Variants in NCAN observed in about 807,000 individuals in gnomAD.
NCAN encodes the protein neurocan core protein.
In NCAN, 47 loss-of-function variants were observed where a neutral mutation model predicts 121.8. The observed-to-expected ratio is 0.39, with a 90% CI of 0.31 to 0.49. The LOEUF (loss-of-function observed/expected upper bound fraction) is 0.49, where lower values mean the gene tolerates loss of function less well. Among genes scored for constraint, NCAN ranks in the 20% least tolerant of loss-of-function variants. The pLI is 0.92. For synonymous variants in NCAN, 633 were observed against 702.0 expected, an observed-to-expected ratio of 0.90 and a Z score of 1.55; for missense variants, 1,517 against 1,773.4, an observed-to-expected ratio of 0.86 and a Z score of 2.60.
Position 19,238,504 on chromosome 19 carries a change from T to C in NCAN, c.3409+93T>C, listed in dbSNP as rs1279084412. The C allele has an allele frequency of 4.1e-6, 6 of 1,469,498 alleles. No individual in the cohort carries two copies. The South Asian group carries it at 6.9e-5, about 17-fold the overall frequency. The allele number at this position is 1,469,498 out of a possible 1,614,324, so 91.0% of individuals were successfully genotyped here. On this transcript the variant is annotated intron_variant, in intron 11 of 14. Transcript: ENST00000252575. ...CCAGGGCATCGCATCCCTCCCCTGG[T>C]TTTCAAGACGTCATCTTTCCAAAGC... is the stretch of plus-strand genomic sequence containing the variant.
chr19:19,249,661 C>A, intron 14 of NCAN, 105 bp from the exon 15 acceptor site: 1 of 1,488,448 alleles, frequency 6.7e-7, no homozygotes, highest in Admixed American at 2.2e-5. Context: ...GCCCTCGCGT[C>A]TGGCCTCTTT....
intron 8 of NCAN, among the ~76,000 whole-genome samples, chr19:19,229,531 C>T (rs2060850637): frequency 6.6e-6 from 1 of 152,176 alleles, no homozygotes; most frequent in East Asian, 1.9e-4. Flanking sequence ...GCGAGAATCA[C>T]CCCCATTCTA....
At chr19:19,220,023 T>C (rs77720510) in intron 3 of NCAN, among the ~76,000 whole-genome samples, 18,012 of 151,848 alleles carry the variant, frequency 0.12, 1,292 homozygotes, top group East Asian at 0.2. Flanking sequence ...CGAGACTCTG[T>C]CTCAAAAGAA....
chr19:19,217,069 T>C (rs746214332), intron 2 of NCAN, 43 bp downstream of exon 2: 13 of 1,280,442 alleles, frequency 1.0e-5, no homozygotes, highest in South Asian at 6.5e-5. Context: ...GTCTAGGGGA[T>C]GGACAAGATG....
chr19:19,248,583 C>A, intron 13 of NCAN, 117 bp from the exon 14 acceptor site: 1 of 1,007,880 alleles, frequency 9.9e-7, no homozygotes. Flanking sequence ...CAAGAGCGCG[C>A]CACTGCACTC....
intron 8 of NCAN, among the ~76,000 whole-genome samples, chr19:19,230,883 C>CTGTGTGTGTGTGTGTGTGTGTGTG (rs367759381): frequency 7.4e-5 from 9 of 121,780 alleles, no homozygotes; most frequent in African/African-American, 1.9e-4. Flanking sequence ...CCACACCCGG[C>CTGTGTGTGTGTGTGTGTGTGTGTG]TGTGTGTGTG....
rs117101096 is a variant in NCAN at position 19,222,835 on chromosome 19, G to A, written c.476-1186G>A. ...GGCAAGAACCACATTTGGGCCGGGC[G>A]CGGTGGCTCATGCCTGTAATCCCAG... On this transcript the variant is annotated intron_variant, in intron 3 of 14. Coordinates refer to ENST00000252575, the MANE Select transcript of NCAN (RefSeq NM_004386.3). Among the ~76,000 whole-genome samples the A allele has an allele frequency of 2.7e-3, 417 of 152,148 alleles. 1 individual carries two copies. Among genetic ancestry groups the A allele is most frequent in the Non-Finnish European group, 4.5e-3 (307 of 67,996 alleles).
In NCAN at chr19:19,227,650, T is replaced by C; in HGVS notation, c.2030T>C (p.Val677Ala). The C allele has an allele frequency of 6.2e-7, 1 of 1,613,602 alleles. No individual in the cohort carries two copies. Among genetic ancestry groups the C allele is most frequent in the African/African-American group, 1.3e-5 (1 of 74,882 alleles). Residue 677 changes from valine to alanine, a missense_variant, in exon 8 of 15, where the codon GTG (valine) becomes GCG (alanine). Val to Ala is a moderately conservative substitution (Grantham distance 64). Transcript: ENST00000252575. The surrounding 1 kb of genome is among the most constrained non-coding windows in gnomAD (Gnocchi z 4.2). Reference sequence around the variant, plus strand: ...CCCTCCCCTGCTGCAGAGACCAAGGTGTATTCCCTGCCTCTCTCTTTGACC... The same window carrying C: ...CCCTCCCCTGCTGCAGAGACCAAGGCGTATTCCCTGCCTCTCTCTTTGACC... ...APPSPAAETKVYSLPLSLTPT... is the reference protein window; with the variant it reads ...APPSPAAETKAYSLPLSLTPT...
chr19:19,236,872 G>A (rs1400102675), intron 10 of NCAN, among the ~76,000 whole-genome samples: 1 of 151,870 alleles, frequency 6.6e-6, no homozygotes, highest in South Asian at 2.1e-4. Flanking sequence ...GGAACTACAG[G>A]TTTGTGCCAC....
At position 19,224,212 on chromosome 19, in the gene NCAN, G is replaced by C; in HGVS notation, c.650+17G>C. ...CACTGTTCGGTGAGGGGGATACACAGGGCAGGGAGATGAAGACTAGCTCAT... is the reference window on the plus strand; with the variant it reads ...CACTGTTCGGTGAGGGGGATACACACGGCAGGGAGATGAAGACTAGCTCAT... On this transcript the variant is annotated intron_variant, in intron 4 of 14. Coordinates refer to ENST00000252575, the MANE Select transcript of NCAN (RefSeq NM_004386.3). 6.3e-7 allele frequency: 1 copy of C among 1,587,196 alleles called. No individual in the cohort carries two copies. Among genetic ancestry groups the C allele is most frequent in the Non-Finnish European group, 8.6e-7 (1 of 1,161,006 alleles).
chr19:19,230,881 G>A (rs574874009), intron 8 of NCAN, among the ~76,000 whole-genome samples: 2 of 143,324 alleles, frequency 1.4e-5, no homozygotes, highest in Admixed American at 7.0e-5. Context: ...CACCACACCC[G>A]GCTGTGTGTG....
chr19:19,219,040 C>T lies in NCAN; in HGVS notation c.199C>T (p.Pro67Ser), dbSNP rs762702391. 5 of 1,611,690 alleles carry T rather than the reference C, an allele frequency of 3.1e-6. No individual in the cohort carries two copies. The highest frequency in any genetic ancestry group is 1.1e-5 in the South Asian group (1 of 90,688). ...CTGTCTCTTTACCCTGCAGCCACGG[C>T]CAAGCGCAGCCCGAGATGCCCCTCG... is the stretch of plus-strand genomic sequence containing the variant. ...LPCLFTLQPR[P>S]SAARDAPRIK... The change falls in exon 3 of 15, where the codon CCA (proline) becomes TCA (serine). Residue 67 changes from proline to serine, a missense_variant. Physicochemically the swap from Pro to Ser is moderately conservative, Grantham distance 74 (BLOSUM62 -1). Coordinates refer to ENST00000252575, the MANE Select transcript of NCAN (RefSeq NM_004386.3).
intron 1 of NCAN, among the ~76,000 whole-genome samples, chr19:19,213,736 G>A (rs1344395544): frequency 1.3e-5 from 2 of 152,082 alleles, no homozygotes; most frequent in East Asian, 3.9e-4. Context: ...CTTGGCACGG[G>A]GGTGTGGGAC....
rs747710563 is a variant in NCAN, at chr19:19,226,601, G to A, written c.1188G>A (p.Glu396=). The change falls in exon 7 of 15, where the codon GAG becomes GAA. Residue 396 remains glutamate (E), a synonymous_variant. Transcript: ENST00000252575. ...PVRELEPTLE[E]EEVVTPDFQE... ...GAGAACTGGAGCCCACCCTGGAGGAGGAAGAGGTGGTCACCCCTGACTTCC... is the reference window on the plus strand; with the variant it reads ...GAGAACTGGAGCCCACCCTGGAGGAAGAAGAGGTGGTCACCCCTGACTTCC... The A allele has an allele frequency of 6.2e-6, 10 of 1,613,834 alleles. No homozygotes were observed. In the Admixed American group the frequency reaches 1.7e-4, roughly 27 times the overall value.
intron 12 of NCAN, among the ~76,000 whole-genome samples, chr19:19,245,077 G>A (rs1195238653): frequency 6.6e-6 from 1 of 152,136 alleles, no homozygotes; most frequent in Admixed American, 6.6e-5. Context: ...GGGCACCCAG[G>A]GAGGCAGGAG....
At chr19:19,221,678 G>A (rs964500986) in intron 3 of NCAN, among the ~76,000 whole-genome samples, 1 of 152,132 alleles carries the variant, frequency 6.6e-6, no homozygotes, top group African/African-American at 2.4e-5. Context: ...TTGAGCCCAG[G>A]AGTTCAAGAC....
intron 3 of NCAN, 109 bp from the exon 4 acceptor site, chr19:19,223,912 G>A: frequency 1.7e-6 from 2 of 1,167,424 alleles, no homozygotes; most frequent in Non-Finnish European, 1.2e-6. Flanking sequence ...CTGGCGCTAG[G>A]TCTATTATTA....
At chr19:19,246,457 G>T (rs2060924819) in intron 13 of NCAN, among the ~76,000 whole-genome samples, 1 of 152,118 alleles carries the variant, frequency 6.6e-6, no homozygotes, top group Non-Finnish European at 1.5e-5. Flanking sequence ...TTTGTTCTTT[G>T]TTCATCTAAG....
In NCAN at chr19:19,219,270, G is replaced by A. The variant is rs1348479600; in HGVS notation, c.429G>A (p.Val143=). 4.4e-6 allele frequency: 7 copies of A among 1,586,916 alleles called. No individual in the cohort carries two copies. Among genetic ancestry groups the A allele is most frequent in the Middle Eastern group, 3.3e-4 (2 of 5,988 alleles). The part of the protein sequence containing the change: ...SDSGLYRCQV[V]RGIEDEQDLV... Reference sequence around the variant, plus strand: ...CTGGGCTGTACCGCTGCCAGGTGGTGAGGGGCATCGAGGATGAGCAGGACC... The same window carrying A: ...CTGGGCTGTACCGCTGCCAGGTGGTAAGGGGCATCGAGGATGAGCAGGACC... The change falls in exon 3 of 15, where the codon GTG becomes GTA. Residue 143 remains valine (V), a synonymous_variant. Coordinates refer to ENST00000252575, the MANE Select transcript of NCAN (RefSeq NM_004386.3).
Sources: allele counts gnomAD v4.1 joint callset (sites outside exome capture counted in the v4.1 genomes callset), GRCh38; gene constraint gnomAD v4.1.1; non-coding constraint Gnocchi (gnomAD v3.1); transcripts MANE v1.5; gene names NCBI Gene and HGNC (gene_info 2026-07-23, HGNC 2026-07-21).